Variants in TRERF1 observed in about 807,000 individuals in gnomAD.
TRERF1 encodes transcriptional regulating factor 1.
In TRERF1, 27 loss-of-function variants were observed where a neutral mutation model predicts 122.9. The ratio of observed to expected loss-of-function variants is 0.22; its 90% CI spans 0.16 to 0.30. The LOEUF (loss-of-function observed/expected upper bound fraction) is 0.30, where lower values mean the gene tolerates loss of function less well. Among genes scored for constraint, TRERF1 ranks in the 10% least tolerant of loss-of-function variants. The pLI is 1.00. For synonymous variants in TRERF1, 636 were observed against 641.7 expected, an observed-to-expected ratio of 0.99 and a Z score of 0.13; for missense variants, 1,248 against 1,560.3, an observed-to-expected ratio of 0.80 and a Z score of 3.37.
rs1779556354 is a variant in TRERF1 at position 42,402,635 on chromosome 6, CT to C, written c.-453-39557del. Among the ~76,000 whole-genome samples the C allele has an allele frequency of 3.9e-5, 6 of 152,316 alleles. No individual in the cohort carries two copies. In the South Asian group the frequency reaches 1.2e-3, roughly 32 times the overall value. ...TGGTTATTACCAAATGTCTACCCTT[CT>C]GAATTCTTATAAAGTCATTTCTTAT... On this transcript the variant is annotated intron_variant, in intron 2 of 17. Transcript: ENST00000372922.
rs1778607017 is a variant in TRERF1, at chr6:42,263,472, T to C, written c.1732A>G (p.Ser578Gly). The C allele has an allele frequency of 1.3e-5, 21 of 1,590,280 alleles. No individual in the cohort carries two copies. Among genetic ancestry groups the C allele is most frequent in the Non-Finnish European group, 1.5e-5 (17 of 1,164,900 alleles). ...ACGGGCATGACCATAGGCGTGAGGCTTTCTGCCTCGGGAGGGAGCTGTGGT... is the reference window on the plus strand; with the variant it reads ...ACGGGCATGACCATAGGCGTGAGGCCTTCTGCCTCGGGAGGGAGCTGTGGT... Residue 578 changes from serine (S) to glycine (G), a missense_variant, in exon 8 of 18, where the codon AGC becomes GGC. Around this residue, in one of 5 missense-constraint regions of TRERF1, gnomAD observed 946 missense variants for 1,073.0 expected, o/e 0.88. Transcript: ENST00000372922. The surrounding 1 kb of genome is among the most constrained non-coding windows in gnomAD (Gnocchi z 5.6).
intron 4 of TRERF1, among the ~76,000 whole-genome samples, chr6:42,295,527 A>G (rs1048958808): frequency 2.0e-5 from 3 of 152,120 alleles, no homozygotes; most frequent in Non-Finnish European, 4.4e-5. Flanking sequence ...CCACTTCTAC[A>G]CCCAGGATGC....
chr6:42,336,876 ATGTGTAGGCTG>A (rs559017116), intron 3 of TRERF1, among the ~76,000 whole-genome samples: 68 of 152,268 alleles, frequency 4.5e-4, no homozygotes, highest in African/African-American at 1.6e-3. Flanking sequence ...AGCTCCTGCC[ATGTGTAGGCTG>A]TGTGAGGGCA....
At chr6:42,340,898 T>C (rs992536949) in intron 3 of TRERF1, among the ~76,000 whole-genome samples, 1 of 152,196 alleles carries the variant, frequency 6.6e-6, no homozygotes, top group African/African-American at 2.4e-5. Flanking sequence ...CCCTAGCTGA[T>C]TGGATTTTAA....
At chr6:42,345,785 C>T (rs547107533) in intron 3 of TRERF1, among the ~76,000 whole-genome samples, 1 of 152,300 alleles carries the variant, frequency 6.6e-6, no homozygotes, top group African/African-American at 2.4e-5. Flanking sequence ...GCTTGGGGCA[C>T]CGTCTTGATT....
chr6:42,351,195 G>A (rs1434900711), intron 3 of TRERF1, among the ~76,000 whole-genome samples: 3 of 152,218 alleles, frequency 2.0e-5, no homozygotes, highest in African/African-American at 7.2e-5. Context: ...ACTGATGACT[G>A]TAAATTAGTC....
At chr6:42,277,227 C>G (rs1473515077) in intron 4 of TRERF1, among the ~76,000 whole-genome samples, 1 of 152,158 alleles carries the variant, frequency 6.6e-6, no homozygotes, top group Non-Finnish European at 1.5e-5. Flanking sequence ...CTGATATATT[C>G]CTGGACACAT....
intron 2 of TRERF1, among the ~76,000 whole-genome samples, chr6:42,380,011 C>G (rs761245199): frequency 8.5e-5 from 13 of 152,068 alleles, no homozygotes; most frequent in East Asian, 1.9e-4. Flanking sequence ...GGAGAGGGAT[C>G]GAGAATGGTG....
chr6:42,256,667 A>C, intron 12 of TRERF1, 61 bp downstream of exon 12: 1 of 1,489,470 alleles, frequency 6.7e-7, no homozygotes, highest in Admixed American at 1.7e-5. Flanking sequence ...ATGAGACAAT[A>C]TTGAAACTTG....
At chr6:42,358,756 T>C (rs938179160) in intron 3 of TRERF1, among the ~76,000 whole-genome samples, 7 of 150,910 alleles carry the variant, frequency 4.6e-5, no homozygotes, top group African/African-American at 7.3e-5. Flanking sequence ...TAAAAAAGAC[T>C]GGGAGCCCTA....
At chr6:42,300,657 T>A (rs940793758) in exon 4 of TRERF1, 1 of 152,748 alleles carries the variant, frequency 6.5e-6, no homozygotes, top group African/African-American at 2.4e-5. Flanking sequence ...CGCAGATGGC[T>A]GAGTTGGGGG....
intron 3 of TRERF1, among the ~76,000 whole-genome samples, chr6:42,342,802 T>C (rs1767538806): frequency 6.6e-6 from 1 of 152,222 alleles, no homozygotes; most frequent in Non-Finnish European, 1.5e-5. Context: ...GTCAGTCTCT[T>C]TTTTGGAAAC....
Position 42,268,344 on chromosome 6 carries a change from G to T in TRERF1, c.1247C>A (p.Ala416Asp). Residue 416 changes from alanine to aspartate, a missense_variant, in exon 5 of 18, where the codon GCC becomes GAC. Physicochemically the swap from Ala to Asp is moderately radical, Grantham distance 126 (BLOSUM62 -2). Around this residue, in one of 5 missense-constraint regions of TRERF1, gnomAD observed 946 missense variants for 1,073.0 expected, o/e 0.88. Transcript: ENST00000372922. This position sits in a 1 kb window ranked among gnomAD's most constrained non-coding sequence, Gnocchi z 4.4. Reference sequence around the variant, plus strand: ...CCCATGGGAGCTCAGCATGGCCTGGGCCTGTCTGTCACTAGAGTAGGTCTT... The same window carrying T: ...CCCATGGGAGCTCAGCATGGCCTGGTCCTGTCTGTCACTAGAGTAGGTCTT... The T allele has an allele frequency of 2.6e-6, 4 of 1,522,394 alleles. No individual in the cohort carries two copies. The highest frequency in any genetic ancestry group is 3.5e-6 in the Non-Finnish European group (4 of 1,137,104). 94.3% of individuals were successfully genotyped at this position (1,522,394 alleles called of 1,614,324 possible).
At chr6:42,389,453 A>C (rs1777341842) in intron 2 of TRERF1, among the ~76,000 whole-genome samples, 1 of 152,232 alleles carries the variant, frequency 6.6e-6, no homozygotes, top group Non-Finnish European at 1.5e-5. Context: ...ACACTGCTCC[A>C]TCACTTTGGG....
At chr6:42,312,407 G>A (rs984128770) in intron 3 of TRERF1, among the ~76,000 whole-genome samples, 13 of 152,310 alleles carry the variant, frequency 8.5e-5, no homozygotes, top group African/African-American at 2.9e-4. Flanking sequence ...TAGAGTTTCC[G>A]AAGATTCAAG....
chr6:42,376,402 G>A (rs1455256794), intron 2 of TRERF1, among the ~76,000 whole-genome samples: 2 of 152,172 alleles, frequency 1.3e-5, no homozygotes, highest in African/African-American at 4.8e-5. Context: ...ATCTGTGGCT[G>A]GGGTAGGGGA....
chr6:42,383,992 T>A (rs1240630049), intron 2 of TRERF1, among the ~76,000 whole-genome samples: 2 of 151,536 alleles, frequency 1.3e-5, no homozygotes, highest in Non-Finnish European at 2.9e-5. Context: ...TCCTCACCAC[T>A]GTGTTGGTGA....
At chr6:42,436,809 A>AT (rs1187149644) in intron 2 of TRERF1, among the ~76,000 whole-genome samples, 207 of 116,980 alleles carry the variant, frequency 1.8e-3, no homozygotes, top group Admixed American at 2.5e-3. Flanking sequence ...ACAAAAAAAA[A>AT]AAAAAATATA....
intron 2 of TRERF1, among the ~76,000 whole-genome samples, chr6:42,440,947 T>C (rs772210775): frequency 2.0e-5 from 3 of 152,218 alleles, no homozygotes; most frequent in Admixed American, 6.5e-5. Context: ...CGCTAAGCTC[T>C]GTTAATGAGA....
Sources: allele counts gnomAD v4.1 joint callset (sites outside exome capture counted in the v4.1 genomes callset), GRCh38; gene constraint gnomAD v4.1.1; regional missense constraint gnomAD v4.1.1; non-coding constraint Gnocchi (gnomAD v3.1); transcripts MANE v1.5; gene names NCBI Gene and HGNC (gene_info 2026-07-23, HGNC 2026-07-21).